Variants in CWC27 observed in about 807,000 individuals in gnomAD.
CWC27 encodes spliceosome-associated protein CWC27 homolog.
In CWC27, 47 loss-of-function variants were observed where a neutral mutation model predicts 63.6. That is an observed-to-expected ratio of 0.74 (90% confidence interval 0.58 to 0.94). The LOEUF is 0.94. Ranked by LOEUF, CWC27 falls within the 40% of genes least tolerant of loss-of-function variation. The probability of loss-of-function intolerance (pLI) is 0.00; values close to 1 mark genes in which losing one functional copy is unlikely to be tolerated. For synonymous variants in CWC27, 175 were observed against 179.8 expected, an observed-to-expected ratio of 0.97 and a Z score of 0.22; for missense variants, 495 against 554.3, an observed-to-expected ratio of 0.89 and a Z score of 1.07.
At chr5:64,815,880 C>T (rs1745011526) in intron 10 of CWC27, among the ~76,000 whole-genome samples, 1 of 152,010 alleles carries the variant, frequency 6.6e-6, no homozygotes, top group African/African-American at 2.4e-5. Flanking sequence ...TATTAGATAT[C>T]TTAAGAATCC....
chr5:64,941,291 T>C (rs1262064285), intron 11 of CWC27, among the ~76,000 whole-genome samples: 1 of 152,206 alleles, frequency 6.6e-6, no homozygotes, highest in African/African-American at 2.4e-5. Flanking sequence ...CTATTGCTTC[T>C]AGGCTCTCTC....
chr5:64,917,250 G>A (rs1044695662), intron 11 of CWC27, among the ~76,000 whole-genome samples: 1 of 152,004 alleles, frequency 6.6e-6, no homozygotes, highest in Non-Finnish European at 1.5e-5. Flanking sequence ...ATCCATCTTC[G>A]GTAGGCCTCT....
intron 11 of CWC27, among the ~76,000 whole-genome samples, chr5:64,919,221 G>C (rs935642660): frequency 6.6e-6 from 1 of 152,112 alleles, no homozygotes; most frequent in Non-Finnish European, 1.5e-5. Flanking sequence ...GCTTCGTTTT[G>C]TCATTTGGGC....
chr5:64,804,210 T>C lies in CWC27; in HGVS notation c.781-19T>C. On this transcript the variant is annotated intron_variant, in intron 9 of 13. Coordinates refer to ENST00000381070, the MANE Select transcript of CWC27 (RefSeq NM_005869.4). ...GGGAAATTGAGCACCTGGCAAATAC[T>C]CATTTTCCATTTCTACAGGATGGAG... 3 of 1,575,106 alleles carry C rather than the reference T, an allele frequency of 1.9e-6. No homozygotes were observed. The highest frequency in any genetic ancestry group is 2.6e-6 in the Non-Finnish European group (3 of 1,159,126).
chr5:64,775,896 A>G (rs565947279), intron 2 of CWC27, among the ~76,000 whole-genome samples: 2 of 152,070 alleles, frequency 1.3e-5, no homozygotes, highest in Non-Finnish European at 2.9e-5. Flanking sequence ...AGTTTTATTC[A>G]AGGTATCAGA....
intron 10 of CWC27, among the ~76,000 whole-genome samples, chr5:64,873,991 A>T (rs1179327508): frequency 6.6e-6 from 1 of 151,992 alleles, no homozygotes; most frequent in East Asian, 1.9e-4. Context: ...AATATGTGTG[A>T]TAATTCACAT....
intron 13 of CWC27, among the ~76,000 whole-genome samples, chr5:64,985,154 T>A (rs266556): frequency 0.45 from 68,390 of 151,950 alleles, 15,561 homozygotes; most frequent in African/African-American, 0.48. Flanking sequence ...CCTTTCACCA[T>A]TACCACATTT....
chr5:65,009,670 A>G (rs1441767932), intron 13 of CWC27, among the ~76,000 whole-genome samples: 1 of 152,218 alleles, frequency 6.6e-6, no homozygotes. Flanking sequence ...TCTCTGGCAC[A>G]TACTGAGGAA....
chr5:64,895,484 C>T (rs1260834028), intron 11 of CWC27, among the ~76,000 whole-genome samples: 3 of 152,090 alleles, frequency 2.0e-5, no homozygotes, highest in Non-Finnish European at 2.9e-5. Flanking sequence ...CCTGTAGAAG[C>T]CTGATACAAA....
chr5:64,795,860 A>C (rs921700181), intron 7 of CWC27, among the ~76,000 whole-genome samples: 9 of 152,102 alleles, frequency 5.9e-5, no homozygotes, highest in African/African-American at 2.2e-4. Flanking sequence ...AACTTTATAT[A>C]GTATGCCTAA....
At chr5:64,910,176 G>A (rs988813034) in intron 11 of CWC27, among the ~76,000 whole-genome samples, 12 of 152,152 alleles carry the variant, frequency 7.9e-5, no homozygotes, top group Non-Finnish European at 1.2e-4. Flanking sequence ...TTCCTTCTAA[G>A]AGTCAGGTCC....
chr5:64,865,936 G>A (rs966335149), intron 10 of CWC27, among the ~76,000 whole-genome samples: 11 of 152,000 alleles, frequency 7.2e-5, no homozygotes, highest in African/African-American at 2.7e-4. Flanking sequence ...GTCATATGGT[G>A]TGCCTTACAA....
At chr5:64,899,852 A>G (rs550339978) in intron 11 of CWC27, among the ~76,000 whole-genome samples, 2 of 152,312 alleles carry the variant, frequency 1.3e-5, no homozygotes, top group South Asian at 2.1e-4. Flanking sequence ...GGCAACCACT[A>G]AAGTCTTCTA....
chr5:64,892,907 A>G (rs1747275405), intron 11 of CWC27, among the ~76,000 whole-genome samples: 2 of 152,168 alleles, frequency 1.3e-5, no homozygotes, highest in Non-Finnish European at 2.9e-5. Context: ...TCCTGAGCTC[A>G]TGTTGTAGTC....
intron 11 of CWC27, among the ~76,000 whole-genome samples, chr5:64,934,907 A>C (rs1420867254): frequency 2.0e-5 from 3 of 152,140 alleles, no homozygotes; most frequent in Non-Finnish European, 2.9e-5. Context: ...TCTTCTTTTG[A>C]GAAGTATCTG....
At chr5:64,893,929 C>CTT (rs10548975) in intron 11 of CWC27, among the ~76,000 whole-genome samples, 2 of 143,634 alleles carry the variant, frequency 1.4e-5, no homozygotes, top group Non-Finnish European at 3.0e-5. Context: ...CCAATCCCTC[C>CTT]TTTTTTTTTT....
chr5:64,982,922 C>T (rs746479467), intron 13 of CWC27, among the ~76,000 whole-genome samples: 3 of 152,146 alleles, frequency 2.0e-5, no homozygotes, highest in Non-Finnish European at 4.4e-5. Context: ...ACATCAACGG[C>T]GGCATTAGAT....
At chr5:64,954,392 G>GATCCTCCCGACTC (rs955412532) in intron 11 of CWC27, among the ~76,000 whole-genome samples, 1 of 152,096 alleles carries the variant, frequency 6.6e-6, no homozygotes, top group Admixed American at 6.6e-5. Flanking sequence ...GGGCTCAGGC[G>GATCCTCCCGACTC]ATCCTCCCGA....
At chr5:65,002,612 A>G (rs1314587556) in intron 13 of CWC27, among the ~76,000 whole-genome samples, 1 of 151,794 alleles carries the variant, frequency 6.6e-6, no homozygotes, top group Non-Finnish European at 1.5e-5. Context: ...TTCTTTTGTT[A>G]TTGATTTCTA....
Sources: gnomAD v4.1 joint callset for allele counts (sites outside exome capture counted in the v4.1 genomes callset) on GRCh38, gnomAD v4.1.1 for gene constraint, MANE v1.5 for transcripts, NCBI Gene and HGNC (gene_info 2026-07-23, HGNC 2026-07-21) for gene names.